Variants in DRC1 observed in about 807,000 individuals in gnomAD.
DRC1 encodes dynein regulatory complex subunit 1.
In DRC1, 74 loss-of-function variants were observed where a neutral mutation model predicts 98.7. That is an observed-to-expected ratio of 0.75 (90% CI 0.62 to 0.91). The LOEUF (loss-of-function observed/expected upper bound fraction) is 0.91, where lower values mean the gene tolerates loss of function less well. Ranked by LOEUF, DRC1 falls within the 40% of genes least tolerant of loss-of-function variation. The pLI is 0.00. For synonymous variants in DRC1, 336 were observed against 334.1 expected (o/e 1.01, Z -0.06); for missense variants, 875 against 886.0 (o/e 0.99, Z 0.16).
chr2:26,440,974 A>G (rs1178788541), intron 8 of DRC1, among the ~76,000 whole-genome samples: 1 of 152,242 alleles, frequency 6.6e-6, no homozygotes, highest in Admixed American at 6.5e-5. Context: ...AATGATGGAC[A>G]TGTAGATTGC....
chr2:26,440,245 G>A, intron 7 of DRC1, 133 bp from the exon 8 acceptor site: 2 of 1,174,536 alleles, frequency 1.7e-6, no homozygotes, highest in Non-Finnish European at 1.1e-6. Context: ...CCTATATAAA[G>A]CATGTTCCCC....
At position 26,440,474 on chromosome 2, in the gene DRC1, G is replaced by A. The variant is rs1060501406; in HGVS notation, c.985G>A (p.Glu329Lys). 1.9e-6 allele frequency: 3 copies of A among 1,613,396 alleles called. No homozygotes were observed. The highest frequency in any genetic ancestry group is 2.5e-6 in the Non-Finnish European group (3 of 1,179,690). ...NLQVLKKRDE[E>K]STVIKSQQKR... is the part of the protein sequence containing the mutation. ...GCAGGTGCTGAAGAAGAGAGATGAA[G>A]AAAGCACAGTAATTAAATCCCAGCA... The change falls in exon 8 of 17, where the codon GAA (glutamate) becomes AAA (lysine). Residue 329 changes from glutamate (E) to lysine (K), a missense_variant. Physicochemically the swap from Glu to Lys is moderately conservative, Grantham distance 56. Coordinates refer to ENST00000288710, the MANE Select transcript of DRC1 (RefSeq NM_145038.5).
intron 8 of DRC1, among the ~76,000 whole-genome samples, chr2:26,442,685 G>A (rs574566620): frequency 2.0e-5 from 3 of 152,082 alleles, no homozygotes; most frequent in South Asian, 2.1e-4. Flanking sequence ...AACTGCCAAC[G>A]TAACAGTTCA....
At chr2:26,402,558 A>G (rs185959123) in intron 1 of DRC1, among the ~76,000 whole-genome samples, 4 of 152,246 alleles carry the variant, frequency 2.6e-5, no homozygotes, top group Admixed American at 2.6e-4. Flanking sequence ...GCACCACTCA[A>G]AGCTGGCAGC....
At chr2:26,433,797 C>G (rs1429103488) in intron 7 of DRC1, among the ~76,000 whole-genome samples, 1 of 152,080 alleles carries the variant, frequency 6.6e-6, no homozygotes, top group Non-Finnish European at 1.5e-5. Flanking sequence ...TCCAGGTTGA[C>G]TGATGGTGGC....
At chr2:26,450,474 G>A (rs1663972700) in intron 12 of DRC1, 118 bp from the exon 13 acceptor site, 1 of 826,468 alleles carries the variant, frequency 1.2e-6, no homozygotes, top group Admixed American at 2.4e-5. Context: ...TCCCAGCGTT[G>A]GATGAATGCC....
intron 7 of DRC1, among the ~76,000 whole-genome samples, chr2:26,438,411 T>A (rs184355401): frequency 4.6e-5 from 7 of 152,300 alleles, no homozygotes; most frequent in African/African-American, 1.4e-4. Context: ...GAAAAATGTA[T>A]AACTAGAAAA....
intron 1 of DRC1, among the ~76,000 whole-genome samples, chr2:26,412,852 G>C (rs1572353797): frequency 6.6e-6 from 1 of 151,920 alleles, no homozygotes; most frequent in Admixed American, 6.6e-5. Context: ...ATCTCGGCTC[G>C]GCTCACTGCA....
Position 26,404,015 on chromosome 2 carries a change from G to A in DRC1, c.155+1871G>A, listed in dbSNP as rs568611929. On this transcript the variant is annotated intron_variant, in intron 1 of 16. Coordinates refer to ENST00000288710, the MANE Select transcript of DRC1 (RefSeq NM_145038.5). The stretch of plus-strand genomic sequence containing the variant: ...CTCAGGAGACTGAGGCAGGAGAATC[G>A]CTTGAACCCAGGAGGCGGAGGTTGC... 1.7e-3 allele frequency among the ~76,000 whole-genome samples: 259 copies of A among 151,860 alleles called. 1 individual carries two copies. Among genetic ancestry groups the A allele is most frequent in the Middle Eastern group, 6.8e-3 (2 of 292 alleles).
intron 2 of DRC1, among the ~76,000 whole-genome samples, chr2:26,415,843 G>A (rs1678781225): frequency 6.6e-6 from 1 of 151,210 alleles, no homozygotes; most frequent in Admixed American, 6.6e-5. Flanking sequence ...GAGGCAGGAG[G>A]ATTCCTTGAA....
chr2:26,453,415 G>A lies in DRC1; in HGVS notation c.1785G>A (p.Glu595=), dbSNP rs1475822564. The part of the protein sequence containing the change: ...ELELAEQTEM[E]GEKEESLVEG... ...AGCTGGCAGAGCAGACGGAGATGGA[G>A]GGAGAAAAGGAAGAAAGCCTGGTGG... The change falls in exon 14 of 17, where the codon GAG becomes GAA. Residue 595 remains glutamate (E), a synonymous_variant. Transcript: ENST00000288710. 1 of 1,614,070 alleles carries A rather than the reference G, an allele frequency of 6.2e-7. No individual in the cohort carries two copies. The highest frequency in any genetic ancestry group is 1.3e-5 in the African/African-American group (1 of 74,934).
Position 26,421,314 on chromosome 2 carries a change from C to T in DRC1, c.270C>T (p.Gly90=), listed in dbSNP as rs572607941. 1.1e-5 allele frequency: 18 copies of T among 1,613,580 alleles called. No homozygotes were observed. In the East Asian group the frequency reaches 3.6e-4, roughly 32 times the overall value. ...RLKLAKLLLC[G]TELVTNIQVA... ...AATTGGCTAAACTTCTGCTCTGTGGCACCGAGTTGGTGACAAATATCCAGG... is the reference window on the plus strand; with the variant it reads ...AATTGGCTAAACTTCTGCTCTGTGGTACCGAGTTGGTGACAAATATCCAGG... The change falls in exon 3 of 17, where the codon GGC becomes GGT. Residue 90 remains glycine, a synonymous_variant. Transcript: ENST00000288710.
At chr2:26,430,954 CTATCT>C in intron 6 of DRC1, 82 bp downstream of exon 6, 6 of 424,508 alleles carry the variant, frequency 1.4e-5, no homozygotes, top group Non-Finnish European at 2.3e-5. Flanking sequence ...TAGCCTTTTT[CTATCT>C]TTTTTTTTTT....
chr2:26,407,727 A>G (rs1021880684), intron 1 of DRC1, among the ~76,000 whole-genome samples: 3 of 152,042 alleles, frequency 2.0e-5, no homozygotes, highest in African/African-American at 7.2e-5. Context: ...TTCCTGGACG[A>G]CTGCCAACTT....
At chr2:26,442,546 C>A (rs1663744819) in intron 8 of DRC1, among the ~76,000 whole-genome samples, 1 of 152,156 alleles carries the variant, frequency 6.6e-6, no homozygotes, top group Non-Finnish European at 1.5e-5. Flanking sequence ...AAAATCCAGG[C>A]CTTACCATTG....
At chr2:26,435,007 A>C (rs115680612) in intron 7 of DRC1, among the ~76,000 whole-genome samples, 1 of 152,220 alleles carries the variant, frequency 6.6e-6, no homozygotes, top group Admixed American at 6.5e-5. Flanking sequence ...GGGTTCCAAC[A>C]TGGAATCCTG....
Position 26,415,539 on chromosome 2 carries a change from G to A in DRC1, c.243+1108G>A, listed in dbSNP as rs960120898. Among the ~76,000 whole-genome samples, 3 of 152,308 alleles carry A rather than the reference G, an allele frequency of 2.0e-5. No homozygotes were observed. In the South Asian group the frequency reaches 6.2e-4, roughly 32 times the overall value. ...GGGATAAGATATTTTACTGTGGAAA[G>A]GATACTGGACTGATGTGGGTTTTTG... is the stretch of plus-strand genomic sequence containing the variant. On this transcript the variant is annotated intron_variant, in intron 2 of 16. Coordinates refer to ENST00000288710, the MANE Select transcript of DRC1 (RefSeq NM_145038.5).
At chr2:26,421,130 G>T in intron 2 of DRC1, 158 bp from the exon 3 acceptor site, 1 of 536,072 alleles carries the variant, frequency 1.9e-6, no homozygotes, top group South Asian at 2.2e-5. Context: ...GATAGAAAAG[G>T]GTTGCTACAC....
chr2:26,418,798 A>G (rs1190313686), intron 2 of DRC1, among the ~76,000 whole-genome samples: 1 of 132,948 alleles, frequency 7.5e-6, no homozygotes, highest in Non-Finnish European at 1.5e-5. Context: ...ATACATATAT[A>G]CATTATAATA....
Sources: gnomAD v4.1 joint callset for allele counts (sites outside exome capture counted in the v4.1 genomes callset) on GRCh38, gnomAD v4.1.1 for gene constraint, MANE v1.5 for transcripts, NCBI Gene and HGNC (gene_info 2026-07-23, HGNC 2026-07-21) for gene names.